Variants in EFCAB8 observed in about 807,000 individuals in gnomAD.
EFCAB8 encodes EF-hand calcium binding domain 8.
In EFCAB8, 100 loss-of-function variants were observed where a neutral mutation model predicts 116.3. That is an observed-to-expected ratio of 0.86 (90% CI 0.73 to 1.02). The LOEUF (loss-of-function observed/expected upper bound fraction) is 1.02. Ranked by LOEUF, EFCAB8 falls within the 50% of genes least tolerant of loss-of-function variation. The pLI is 0.00. For missense variants in EFCAB8, 1,320 were observed against 1,416.9 expected (o/e 0.93, Z 1.10); for synonymous variants, 558 against 567.9 (o/e 0.98, Z 0.25).
chr20:32,886,803 C>T (rs1051472673), intron 6 of EFCAB8, among the ~76,000 whole-genome samples: 96 of 152,282 alleles, frequency 6.3e-4, no homozygotes, highest in African/African-American at 2.1e-3. Flanking sequence ...CTGGAGGGGC[C>T]GCTTTGGCAG....
At chr20:32,861,853 A>G (rs1984130517) in intron 1 of EFCAB8, among the ~76,000 whole-genome samples, 1 of 152,220 alleles carries the variant, frequency 6.6e-6, no homozygotes, top group Non-Finnish European at 1.5e-5. Flanking sequence ...TTTGGAGTAT[A>G]TGTTTCCAGG....
At chr20:32,903,886 T>C (rs1986545410) in intron 11 of EFCAB8, among the ~76,000 whole-genome samples, 1 of 152,014 alleles carries the variant, frequency 6.6e-6, no homozygotes, top group South Asian at 2.1e-4. Flanking sequence ...GTTGTCCAGG[T>C]TGATGCCCAG....
rs533993497 is a variant in EFCAB8, at chr20:32,894,434, C to A, written c.883+1136C>A. Among the ~76,000 whole-genome samples, 16 of 152,348 alleles carry A rather than the reference C, an allele frequency of 1.1e-4. No homozygotes were observed. The East Asian group carries it at 3.1e-3, about 29-fold the overall frequency. ...GCCCACTTAGCTGCTTGAGCCTAGT[C>A]ACTCTGCGCCACCGTGGGAACTGGC... On this transcript the variant is annotated intron_variant, in intron 9 of 26. Coordinates refer to ENST00000400522, the MANE Select transcript of EFCAB8 (RefSeq NM_001143967.2).
At chr20:32,955,776 CAT>C (rs1317161538) in intron 23 of EFCAB8, among the ~76,000 whole-genome samples, 1 of 152,126 alleles carries the variant, frequency 6.6e-6, no homozygotes, top group African/African-American at 2.4e-5. Context: ...TCCTGCCTCA[CAT>C]GTGCAAATGC....
At position 32,910,830 on chromosome 20, in the gene EFCAB8, C is replaced by T. The variant is rs535586685; in HGVS notation, c.1558-650C>T. Among the ~76,000 whole-genome samples the T allele has an allele frequency of 6.1e-5, 9 of 146,478 alleles. No homozygotes were observed. The East Asian group carries it at 9.8e-4, about 16-fold the overall frequency. On this transcript the variant is annotated intron_variant, in intron 15 of 26. Transcript: ENST00000400522. ...TTGGCTCACTGCAGTCTCTGCCTTC[C>T]GGGTTCAAGCGATTCTCCTGCCTCA...
chr20:32,887,446 C>T (rs1568909707), intron 6 of EFCAB8, among the ~76,000 whole-genome samples: 1 of 152,204 alleles, frequency 6.6e-6, no homozygotes, highest in Non-Finnish European at 1.5e-5. Context: ...CGTAGTGGCG[C>T]ACCCCTGTAA....
rs1220218861 is a variant in EFCAB8 at position 32,919,382 on chromosome 20, G to A, written c.2275-696G>A. Among the ~76,000 whole-genome samples, 4 of 152,304 alleles carry A rather than the reference G, an allele frequency of 2.6e-5. No individual in the cohort carries two copies. The South Asian group carries it at 6.2e-4, about 24-fold the overall frequency. On this transcript the variant is annotated intron_variant, in intron 19 of 26. Transcript: ENST00000400522. ...CTAGGATATAATTTTGCTGTAAGAC[G>A]TGTACACTTGACCATAAGACATTCA...
chr20:32,930,384 C>T lies in EFCAB8; in HGVS notation c.2413-14C>T, dbSNP rs1030291442. ...TCACAGCCCTGCTGAGCCGGGCCCT[C>T]CTCTCTTCCTCAGATAATCTTCCTG... On this transcript the variant is annotated splice_polypyrimidine_tract_variant and intron_variant, in intron 20 of 26. Coordinates refer to ENST00000400522, the MANE Select transcript of EFCAB8 (RefSeq NM_001143967.2). 13 of 1,547,506 alleles carry T rather than the reference C, an allele frequency of 8.4e-6. No individual in the cohort carries two copies. The highest frequency in any genetic ancestry group is 5.9e-5 in the Admixed American group (3 of 50,962).
chr20:32,867,902 G>A (rs573512438), intron 3 of EFCAB8, among the ~76,000 whole-genome samples, 155 bp downstream of exon 3: 6 of 151,888 alleles, frequency 4.0e-5, no homozygotes, highest in African/African-American at 1.5e-4. Context: ...GTGCAGTGGT[G>A]TGATCACCAC....
chr20:32,955,008 C>T (rs1013203145), intron 23 of EFCAB8, among the ~76,000 whole-genome samples: 22 of 100 alleles, frequency 0.22, no homozygotes, highest in African/African-American at 0.37. Flanking sequence ...TCCTGGACAT[C>T]TATCCTCCCC....
chr20:32,943,203 T>C (rs113530961), intron 22 of EFCAB8, among the ~76,000 whole-genome samples: 22 of 152,366 alleles, frequency 1.4e-4, no homozygotes, highest in Middle Eastern at 3.4e-3. Flanking sequence ...CATCACTTTC[T>C]AGCTATGTGG....
At chr20:32,928,683 C>A (rs932398733) in intron 20 of EFCAB8, among the ~76,000 whole-genome samples, 9 of 152,018 alleles carry the variant, frequency 5.9e-5, no homozygotes, top group Non-Finnish European at 1.3e-4. Flanking sequence ...TCTTTCTTTC[C>A]AGTTTGGATA....
chr20:32,948,509 A>G (rs950820011), intron 23 of EFCAB8, among the ~76,000 whole-genome samples: 3 of 149,330 alleles, frequency 2.0e-5, no homozygotes, highest in Non-Finnish European at 4.4e-5. Flanking sequence ...CAAAGACGTT[A>G]TAAGAAGAAA....
intron 17 of EFCAB8, 74 bp from the exon 18 acceptor site, chr20:32,917,227 C>A: frequency 8.2e-7 from 1 of 1,215,538 alleles, no homozygotes; most frequent in Non-Finnish European, 1.2e-6. Context: ...ATCCTCAAGG[C>A]TCCAGTGCTT....
chr20:32,898,428 C>T (rs142772772), intron 10 of EFCAB8, 65 bp from the exon 11 acceptor site: 13 of 691,052 alleles, frequency 1.9e-5, no homozygotes, highest in African/African-American at 1.4e-4. Context: ...TGGTCATGTT[C>T]TGGGGGCTGG....
intron 23 of EFCAB8, among the ~76,000 whole-genome samples, chr20:32,948,281 A>C (rs1297945340): frequency 6.6e-6 from 1 of 152,170 alleles, no homozygotes; most frequent in Admixed American, 6.5e-5. Context: ...CTTACACAAG[A>C]AGAAACAGAT....
intron 11 of EFCAB8, among the ~76,000 whole-genome samples, chr20:32,899,839 G>T (rs1986345582): frequency 6.6e-6 from 1 of 152,164 alleles, no homozygotes; most frequent in East Asian, 1.9e-4. Context: ...CTCCCAAAGT[G>T]CTGGGATTGC....
At chr20:32,955,984 A>G (rs890671070) in intron 23 of EFCAB8, among the ~76,000 whole-genome samples, 3 of 152,226 alleles carry the variant, frequency 2.0e-5, no homozygotes, top group Admixed American at 2.0e-4. Flanking sequence ...ACAATTATGT[A>G]GTTGGGTTGA....
At chr20:32,859,605 A>T (rs1329550650) in intron 1 of EFCAB8, among the ~76,000 whole-genome samples, 1 of 152,268 alleles carries the variant, frequency 6.6e-6, no homozygotes, top group Non-Finnish European at 1.5e-5. Flanking sequence ...TTAAAAATAT[A>T]TAAATAGTTG....
Sources: allele counts gnomAD v4.1 joint callset (sites outside exome capture counted in the v4.1 genomes callset), GRCh38; gene constraint gnomAD v4.1.1; transcripts MANE v1.5; gene names NCBI Gene and HGNC (gene_info 2026-07-23, HGNC 2026-07-21).